The following WWOX variants were observed in gnomAD, a reference collection of about 807,000 sequenced individuals.
WWOX encodes WW domain-containing oxidoreductase.
WWOX carries 69 observed loss-of-function variants against 46.2 expected under a neutral mutation model. That is an observed-to-expected ratio of 1.49 (90% confidence interval 1.23 to 1.82). WWOX has a LOEUF of 1.82. Among genes scored for constraint, WWOX ranks in the 40% most tolerant of loss-of-function variants. The pLI, the probability that WWOX is intolerant of heterozygous loss-of-function variation, is 0.00. For missense variants in WWOX, 919 were observed against 542.6 expected, an observed-to-expected ratio of 1.69 and a Z score of -6.89; for synonymous variants, 359 against 202.6, an observed-to-expected ratio of 1.77 and a Z score of -6.56.
Position 78,493,897 on chromosome 16 carries a change from T to A in WWOX, c.1056+61145T>A, listed in dbSNP as rs74029050. 8.1e-3 allele frequency among the ~76,000 whole-genome samples: 1,228 copies of A among 152,304 alleles called. 10 individuals are homozygous for A. The highest frequency in any genetic ancestry group is 0.028 in the African/African-American group (1,177 of 41,558). ...ATTTGGATAGATGAATGGTAATACT[T>A]CCCTACTAGGTAGAGCAATGATTCC... On this transcript the variant is annotated intron_variant, in intron 8 of 8. Transcript: ENST00000566780.
intron 8 of WWOX, among the ~76,000 whole-genome samples, chr16:78,892,494 C>A (rs908898703): frequency 9.2e-5 from 14 of 152,080 alleles, no homozygotes; most frequent in African/African-American, 2.9e-4. Context: ...GACAGGTCAC[C>A]CCCGCTGTCC....
intron 8 of WWOX, among the ~76,000 whole-genome samples, chr16:79,125,195 C>A (rs993066524): frequency 6.6e-5 from 10 of 152,078 alleles, no homozygotes; most frequent in Non-Finnish European, 1.5e-4. Context: ...CTTAAAATGT[C>A]CTTATAGATG....
intron 8 of WWOX, among the ~76,000 whole-genome samples, chr16:78,906,101 C>T (rs2044956424): frequency 6.6e-6 from 1 of 152,198 alleles, no homozygotes; most frequent in Admixed American, 6.5e-5. Flanking sequence ...CTTGAGTAAA[C>T]TGAGGAGTCT....
At chr16:78,456,447 T>G (rs990241134) in intron 8 of WWOX, among the ~76,000 whole-genome samples, 2 of 152,310 alleles carry the variant, frequency 1.3e-5, no homozygotes, top group African/African-American at 4.8e-5. Flanking sequence ...TATTTGATAT[T>G]TAAGATTGAG....
At chr16:78,874,246 A>G (rs1338372523) in intron 8 of WWOX, among the ~76,000 whole-genome samples, 1 of 138,350 alleles carries the variant, frequency 7.2e-6, no homozygotes, top group African/African-American at 2.8e-5. Context: ...ACAGAGCGAG[A>G]CTCTGTCTCA....
At chr16:78,696,686 G>GC (rs372315261) in intron 8 of WWOX, among the ~76,000 whole-genome samples, 1 of 138,874 alleles carries the variant, frequency 7.2e-6, no homozygotes, top group South Asian at 2.3e-4. Context: ...CACCTGTTTT[G>GC]GGGGGGGTAC....
intron 8 of WWOX, among the ~76,000 whole-genome samples, chr16:79,185,952 G>A (rs2051005460): frequency 6.6e-6 from 1 of 151,792 alleles, no homozygotes; most frequent in Non-Finnish European, 1.5e-5. Context: ...GTCTGTGTGT[G>A]TGTGTGTGTG....
intron 4 of WWOX, among the ~76,000 whole-genome samples, chr16:78,117,788 C>A (rs957193401): frequency 6.6e-6 from 1 of 152,148 alleles, no homozygotes; most frequent in Non-Finnish European, 1.5e-5. Context: ...GAGTCATATT[C>A]TATCTAAGCT....
chr16:79,136,228 C>T (rs1484897724), intron 8 of WWOX, among the ~76,000 whole-genome samples: 1 of 150,866 alleles, frequency 6.6e-6, no homozygotes, highest in Non-Finnish European at 1.5e-5. Context: ...ACTGATGTCA[C>T]TTCTTCTTTT....
At chr16:78,356,170 G>C (rs538383257) in intron 5 of WWOX, among the ~76,000 whole-genome samples, 1 of 147,354 alleles carries the variant, frequency 6.8e-6, no homozygotes, top group South Asian at 2.2e-4. Context: ...TTGGGCGACA[G>C]AGCGAGACTC....
At chr16:78,691,489 T>G (rs1266728257) in intron 8 of WWOX, among the ~76,000 whole-genome samples, 1 of 152,144 alleles carries the variant, frequency 6.6e-6, no homozygotes, top group South Asian at 2.1e-4. Context: ...GGAGGATGGT[T>G]AGAGCCTAGG....
chr16:78,385,735 C>T (rs1434405731), intron 5 of WWOX, among the ~76,000 whole-genome samples: 1 of 152,140 alleles, frequency 6.6e-6, no homozygotes, highest in Non-Finnish European at 1.5e-5. Context: ...ATGTTATCCT[C>T]CTTAATCTTA....
intron 8 of WWOX, among the ~76,000 whole-genome samples, chr16:78,964,023 G>C (rs569206865): frequency 6.6e-6 from 1 of 152,116 alleles, no homozygotes; most frequent in African/African-American, 2.4e-5. Context: ...ATGATTCTGA[G>C]ACCTCCCCAG....
At chr16:78,514,192 T>C (rs1052857184) in intron 8 of WWOX, among the ~76,000 whole-genome samples, 1 of 152,214 alleles carries the variant, frequency 6.6e-6, no homozygotes, top group East Asian at 1.9e-4. Flanking sequence ...AGCAACCTAG[T>C]CTATGTTATA....
At chr16:79,083,661 A>T (rs1275782178) in intron 8 of WWOX, among the ~76,000 whole-genome samples, 2 of 152,178 alleles carry the variant, frequency 1.3e-5, no homozygotes, top group African/African-American at 4.8e-5. Context: ...AACAAAGACA[A>T]TTGCACGGCA....
In WWOX at chr16:78,349,775, C is replaced by G. The variant is rs544023765; in HGVS notation, c.517-37085C>G. ...ATGAAACAGCAATGCCTTGCGGTGA[C>G]AAATTCAGTGTAGAAATAATTTTAG... On this transcript the variant is annotated intron_variant, in intron 5 of 8. Transcript: ENST00000566780. 5.2e-4 allele frequency among the ~76,000 whole-genome samples: 63 copies of G among 121,102 alleles called. 14 individuals are homozygous for G. The highest frequency in any genetic ancestry group is 1.7e-3 in the African/African-American group (61 of 35,760). The allele number at this position is 121,102 out of a possible 152,430, so 79.4% of individuals were successfully genotyped here. A position where few individuals can be genotyped will look rare whatever the true frequency, so the allele number is the denominator to read the frequency against.
Position 78,536,628 on chromosome 16 carries a change from T to C in WWOX, c.1056+103876T>C, listed in dbSNP as rs138656329. Reference sequence around the variant, plus strand: ...CCATTAAGTGTCAACATTGAATCAATGCAATCCCATGCAAAGAAAGCTGAG... The same window carrying C: ...CCATTAAGTGTCAACATTGAATCAACGCAATCCCATGCAAAGAAAGCTGAG... On this transcript the variant is annotated intron_variant, in intron 8 of 8. Transcript: ENST00000566780. Among the ~76,000 whole-genome samples, 14 of 152,184 alleles carry C rather than the reference T, an allele frequency of 9.2e-5. No individual in the cohort carries two copies. In the East Asian group the frequency reaches 2.7e-3, roughly 30 times the overall value.
chr16:79,058,718 C>T (rs1218282525), intron 8 of WWOX, among the ~76,000 whole-genome samples: 1 of 152,188 alleles, frequency 6.6e-6, no homozygotes, highest in East Asian at 1.9e-4. Flanking sequence ...GGTTTACTCA[C>T]CGTATCTGTG....
intron 8 of WWOX, among the ~76,000 whole-genome samples, chr16:78,968,681 A>C (rs1454626123): frequency 2.0e-5 from 3 of 152,186 alleles, no homozygotes; most frequent in Admixed American, 2.0e-4. Context: ...GGAGAGGCAG[A>C]ATGTGTCTTT....
Sources: allele counts gnomAD v4.1 joint callset (sites outside exome capture counted in the v4.1 genomes callset), GRCh38; gene constraint gnomAD v4.1.1; transcripts MANE v1.5; gene names NCBI Gene and HGNC (gene_info 2026-07-23, HGNC 2026-07-21).